HMCN1: variants seen among roughly 807,000 people sequenced by gnomAD.
The protein encoded by HMCN1 is hemicentin-1.
Under a neutral mutation model 625.9 loss-of-function variants are expected in HMCN1, and 321 were observed. The ratio of observed to expected loss-of-function variants is 0.51; its 90% CI spans 0.47 to 0.56. HMCN1 has a LOEUF of 0.56. Among genes scored for constraint, HMCN1 ranks in the 20% least tolerant of loss-of-function variants. The pLI is 0.00. For missense variants in HMCN1, 6,588 were observed against 6,887.3 expected (o/e 0.96, Z 1.54); for synonymous variants, 2,425 against 2,417.6 (o/e 1.00, Z -0.09).
intron 2 of HMCN1, among the ~76,000 whole-genome samples, chr1:185,860,497 G>A (rs1191928965): frequency 6.6e-6 from 1 of 151,878 alleles, no homozygotes; most frequent in African/African-American, 2.4e-5. Flanking sequence ...ATTTTTTTAA[G>A]AGATAGCTTG....
At chr1:185,848,233 C>G (rs552196903) in intron 2 of HMCN1, among the ~76,000 whole-genome samples, 1 of 151,996 alleles carries the variant, frequency 6.6e-6, no homozygotes, top group Admixed American at 6.5e-5. Context: ...ATTCCTCCCA[C>G]TGTATCAAAG....
chr1:185,814,657 A>G (rs1659730882), intron 1 of HMCN1, among the ~76,000 whole-genome samples: 2 of 139,588 alleles, frequency 1.4e-5, no homozygotes, highest in African/African-American at 6.5e-5. Flanking sequence ...TAATTATTTT[A>G]TTGCACTTAA....
At chr1:186,100,070 G>A (rs2102435267) in intron 68 of HMCN1, among the ~76,000 whole-genome samples, 1 of 152,138 alleles carries the variant, frequency 6.6e-6, no homozygotes, top group South Asian at 2.1e-4. Flanking sequence ...GGGGGAGGGG[G>A]AGAGCGGGGA....
At chr1:185,895,875 T>G (rs79258961) in intron 4 of HMCN1, among the ~76,000 whole-genome samples, 2 of 152,200 alleles carry the variant, frequency 1.3e-5, no homozygotes, top group Non-Finnish European at 2.9e-5. Flanking sequence ...TCATAACTTA[T>G]AAATTGCCAC....
At chr1:186,086,611 G>A (rs150897546) in intron 58 of HMCN1, among the ~76,000 whole-genome samples, 13 of 152,124 alleles carry the variant, frequency 8.5e-5, no homozygotes, top group South Asian at 2.1e-4. Flanking sequence ...AAATAACAAG[G>A]TCTCCTTCAA....
At position 185,832,156 on chromosome 1, in the gene HMCN1, C is replaced by T. The variant is rs34872087; in HGVS notation, c.269-13870C>T. 9.3e-3 allele frequency among the ~76,000 whole-genome samples: 1,406 copies of T among 151,960 alleles called. 11 individuals are homozygous for T. Among genetic ancestry groups the T allele is most frequent in the Middle Eastern group, 0.02 (6 of 294 alleles). On this transcript the variant is annotated intron_variant, in intron 1 of 106. Transcript: ENST00000271588. ...ACTAAAAATACAAAAATTAGCTGGG[C>T]GTGGTGGCGCATGCTTGTATTCCCA...
chr1:185,784,852 A>G (rs192722888), intron 1 of HMCN1, among the ~76,000 whole-genome samples: 2 of 152,256 alleles, frequency 1.3e-5, no homozygotes, highest in African/African-American at 4.8e-5. Context: ...GTAAGCCCAG[A>G]ATGTTCCTTT....
chr1:186,038,164 A>G (rs943223286), intron 37 of HMCN1, 129 bp downstream of exon 37: 6 of 685,654 alleles, frequency 8.8e-6, no homozygotes, highest in South Asian at 6.6e-5. Context: ...TGGGTGAAAC[A>G]TTGATAAGAA....
chr1:185,990,851 C>T (rs1652378310), intron 22 of HMCN1, among the ~76,000 whole-genome samples: 1 of 152,148 alleles, frequency 6.6e-6, no homozygotes, highest in South Asian at 2.1e-4. Context: ...TGCTTAAACC[C>T]TTATACAAAT....
Position 186,082,908 on chromosome 1 carries a change from T to C in HMCN1, c.8831T>C (p.Val2944Ala). ...ACAGATATCGGCAGGTATGTGTGTG[T>C]TGCTGAGAACACAGCTGGGAGTGCC... ...QITDIGRYVC[V>A]AENTAGSAKK... is the part of the protein sequence containing the mutation. Residue 2944 changes from valine (V) to alanine (A), a missense_variant, in exon 57 of 107, where the codon GTT becomes GCT. By Grantham distance (64) the Val-to-Ala change is moderately conservative. Coordinates refer to ENST00000271588, the MANE Select transcript of HMCN1 (RefSeq NM_031935.3). 6.3e-7 allele frequency: 1 copy of C among 1,597,748 alleles called. No homozygotes were observed. The highest frequency in any genetic ancestry group is 8.5e-7 in the Non-Finnish European group (1 of 1,171,020).
chr1:186,188,282 C>A (rs1319167055), intron 106 of HMCN1, among the ~76,000 whole-genome samples: 1 of 152,160 alleles, frequency 6.6e-6, no homozygotes, highest in Non-Finnish European at 1.5e-5. Flanking sequence ...GGTTCTGCCT[C>A]AGCAGCAAGT....
At chr1:185,777,771 A>ATGTT (rs1350453803) in intron 1 of HMCN1, among the ~76,000 whole-genome samples, 2 of 152,132 alleles carry the variant, frequency 1.3e-5, no homozygotes, top group Non-Finnish European at 2.9e-5. Context: ...CATCTTATTT[A>ATGTT]TGTTAGACAT....
intron 79 of HMCN1, 26 bp downstream of exon 79, chr1:186,119,908 GA>G: frequency 6.2e-7 from 1 of 1,613,928 alleles, no homozygotes; most frequent in Non-Finnish European, 8.5e-7. Flanking sequence ...TTTCTATCAA[GA>G]AAATCATAGC....
At chr1:185,771,854 G>T in intron 1 of HMCN1, among the ~76,000 whole-genome samples, 1 of 152,112 alleles carries the variant, frequency 6.6e-6, no homozygotes, top group East Asian at 1.9e-4. Flanking sequence ...TACAAATAAA[G>T]CTATAATTTG....
intron 89 of HMCN1, among the ~76,000 whole-genome samples, chr1:186,142,282 A>G (rs1175046870): frequency 2.0e-5 from 3 of 152,052 alleles, no homozygotes; most frequent in African/African-American, 7.2e-5. Flanking sequence ...TGAGTTAGTT[A>G]GTTTGCTAAG....
rs1211287779 is a variant in HMCN1, at chr1:185,933,625, C to A, written c.1629C>A (p.Ile543=). ...AGAGAGCAGTTTTAACATGTCTCAT[C>A]ATCAGTGCGGTGGATTACAATCTAA... ...PGERAVLTCL[I]ISAVDYNLTW... The change falls in exon 11 of 107, where the codon ATC becomes ATA. Residue 543 remains isoleucine, a synonymous_variant. Transcript: ENST00000271588. 6.2e-7 allele frequency: 1 copy of A among 1,613,848 alleles called. No individual in the cohort carries two copies. The highest frequency in any genetic ancestry group is 1.3e-5 in the African/African-American group (1 of 74,924).
At position 186,081,227 on chromosome 1, in the gene HMCN1, G is replaced by A. The variant is rs1199968353; in HGVS notation, c.8620G>A (p.Ala2874Thr). The stretch of plus-strand genomic sequence containing the variant: ...GTTAGTGCCGCCAATTATCAAGGGA[G>A]CAAATAGTGATCTCCCTGAAGAGGT... ...RVLVPPIIKG[A>T]NSDLPEEVTV... The change falls in exon 56 of 107, where the codon GCA (alanine) becomes ACA (threonine). Residue 2874 changes from alanine to threonine, a missense_variant. Physicochemically the swap from Ala to Thr is moderately conservative, Grantham distance 58 (BLOSUM62 0). Transcript: ENST00000271588. The A allele has an allele frequency of 6.2e-7, 1 of 1,613,612 alleles. No homozygotes were observed. The highest frequency in any genetic ancestry group is 1.3e-5 in the African/African-American group (1 of 74,878).
At chr1:185,921,490 T>C (rs1006124132) in intron 6 of HMCN1, among the ~76,000 whole-genome samples, 1 of 152,224 alleles carries the variant, frequency 6.6e-6, no homozygotes, top group Non-Finnish European at 1.5e-5. Context: ...TTAAAATGTA[T>C]ATACACAAAT....
chr1:185,839,413 A>G (rs1571428060), intron 1 of HMCN1, among the ~76,000 whole-genome samples: 1 of 152,196 alleles, frequency 6.6e-6, no homozygotes, highest in African/African-American at 2.4e-5. Flanking sequence ...AGAACGTTGG[A>G]AAGCTTGTTA....
Sources: allele counts gnomAD v4.1 joint callset (sites outside exome capture counted in the v4.1 genomes callset), GRCh38; gene constraint gnomAD v4.1.1; transcripts MANE v1.5; gene names NCBI Gene and HGNC (gene_info 2026-07-23, HGNC 2026-07-21).